Variants in WWOX observed in about 807,000 individuals in gnomAD.
WWOX encodes the protein WW domain containing oxidoreductase.
WWOX carries 69 observed loss-of-function variants against 46.2 expected under a neutral mutation model. That is an observed-to-expected ratio of 1.49 (90% CI 1.23 to 1.82). The LOEUF (loss-of-function observed/expected upper bound fraction) is 1.82, where lower values mean the gene tolerates loss of function less well. Among genes scored for constraint, WWOX ranks in the 40% most tolerant of loss-of-function variants. The probability of loss-of-function intolerance (pLI) is 0.00; values close to 1 mark genes in which losing one functional copy is unlikely to be tolerated. For missense variants in WWOX, 919 were observed against 542.6 expected (o/e 1.69, Z -6.89); for synonymous variants, 359 against 202.6 (o/e 1.77, Z -6.56).
At chr16:78,431,963 G>C (rs143828435) in intron 7 of WWOX, among the ~76,000 whole-genome samples, 2 of 152,024 alleles carry the variant, frequency 1.3e-5, no homozygotes, top group African/African-American at 4.8e-5. Flanking sequence ...CAATCCTCCC[G>C]CCTCAGCTTC....
At chr16:78,412,410 A>G (rs2082702651) in intron 6 of WWOX, among the ~76,000 whole-genome samples, 1 of 152,204 alleles carries the variant, frequency 6.6e-6, no homozygotes, top group Admixed American at 6.5e-5. Context: ...TGGAAAGAAT[A>G]TAGTGGCTAG....
At chr16:78,359,077 AATAG>A (rs2081356649) in intron 5 of WWOX, among the ~76,000 whole-genome samples, 2 of 152,208 alleles carry the variant, frequency 1.3e-5, no homozygotes, top group African/African-American at 4.8e-5. Context: ...TTTAAATGCA[AATAG>A]ATAATGCTTG....
chr16:78,941,418 G>T (rs1053692249), intron 8 of WWOX, among the ~76,000 whole-genome samples: 1 of 151,322 alleles, frequency 6.6e-6, no homozygotes, highest in African/African-American at 2.4e-5. Context: ...AGCGTTAGCC[G>T]TTGCTCCTCG....
intron 8 of WWOX, among the ~76,000 whole-genome samples, chr16:78,512,455 G>A (rs142908128): frequency 0.012 from 1,770 of 152,246 alleles, 33 homozygotes; most frequent in Middle Eastern, 0.041. Flanking sequence ...AGAATTAAAC[G>A]TGTTCACCAA....
chr16:78,721,046 A>G (rs9931424), intron 8 of WWOX, among the ~76,000 whole-genome samples: 316 of 152,186 alleles, frequency 2.1e-3, no homozygotes, highest in African/African-American at 7.1e-3. Context: ...TTATTAGTCT[A>G]TAAGATTGAG....
At position 78,261,788 on chromosome 16, in the gene WWOX, C is replaced by CTATCTAGATATAGATATATATATATA. The variant is rs1555510660; in HGVS notation, c.516+97502_516+97503insCTAGATATAGATATATATATATATAT. Among the ~76,000 whole-genome samples the CTATCTAGATATAGATATATATATATA allele has an allele frequency of 5.4e-5, 4 of 73,752 alleles. 1 individual carries two copies. The highest frequency in any genetic ancestry group is 2.3e-4 in the African/African-American group (4 of 17,456). The allele number at this position is 73,752 out of a possible 152,430, so 48.4% of individuals were successfully genotyped here. A position where few individuals can be genotyped will look rare whatever the true frequency, so the allele number is the denominator to read the frequency against. On this transcript the variant is annotated intron_variant, in intron 5 of 8. Coordinates refer to ENST00000566780, the MANE Select transcript of WWOX (RefSeq NM_016373.4). ...TCTATCTATGTATCTATCTATCTAT[C>CTATCTAGATATAGATATATATATATA]TATATATATATATATATATATATAT...
intron 5 of WWOX, among the ~76,000 whole-genome samples, chr16:78,262,920 T>G (rs1055772472): frequency 2.0e-5 from 3 of 152,204 alleles, no homozygotes; most frequent in African/African-American, 7.2e-5. Flanking sequence ...CTGAGGGCTT[T>G]GAAACACTAT....
chr16:78,659,251 G>A (rs572703645), intron 8 of WWOX, among the ~76,000 whole-genome samples: 2 of 152,200 alleles, frequency 1.3e-5, no homozygotes, highest in South Asian at 2.1e-4. Context: ...ATAACTACGT[G>A]ACTCACAGAG....
intron 8 of WWOX, among the ~76,000 whole-genome samples, chr16:78,516,523 C>G (rs1259229784): frequency 6.6e-6 from 1 of 152,174 alleles, no homozygotes; most frequent in East Asian, 1.9e-4. Context: ...CTTCAAATAT[C>G]TGAACTCAGA....
At position 78,348,730 on chromosome 16, in the gene WWOX, T is replaced by C. The variant is rs2081136006; in HGVS notation, c.517-38130T>C. Among the ~76,000 whole-genome samples the C allele has an allele frequency of 2.5e-5, 3 of 121,154 alleles. 1 individual carries two copies. In the South Asian group the frequency reaches 7.4e-4, roughly 30 times the overall value. The allele number at this position is 121,154 out of a possible 152,430, so 79.5% of individuals were successfully genotyped here. A position where few individuals can be genotyped will look rare whatever the true frequency, so the allele number is the denominator to read the frequency against. Reference sequence around the variant, plus strand: ...GCCTCTGCCTCCCAAAGTGCTAGGATTACAGGTGTCAGCCACAGTGCCATG... The same window carrying C: ...GCCTCTGCCTCCCAAAGTGCTAGGACTACAGGTGTCAGCCACAGTGCCATG... On this transcript the variant is annotated intron_variant, in intron 5 of 8. Transcript: ENST00000566780.
At chr16:78,805,502 C>G (rs946726973) in intron 8 of WWOX, among the ~76,000 whole-genome samples, 2 of 151,758 alleles carry the variant, frequency 1.3e-5, no homozygotes, top group Non-Finnish European at 2.9e-5. Context: ...GCAGGATGGT[C>G]TCGATTTCCT....
In WWOX at chr16:78,406,313, T is replaced by C. The variant is rs565956858; in HGVS notation, c.606-18557T>C. On this transcript the variant is annotated intron_variant, in intron 6 of 8. Transcript: ENST00000566780. ...CAGCATATAAATATAAATATATATA[T>C]ATATATATATATATATATATATATA... Among the ~76,000 whole-genome samples, 240 of 48,074 alleles carry C rather than the reference T, an allele frequency of 5.0e-3. 3 individuals are homozygous for C. The East Asian group carries it at 0.082, about 16-fold the overall frequency. The allele number at this position is 48,074 out of a possible 152,430, so 31.5% of individuals were successfully genotyped here.
At chr16:78,472,267 A>T (rs2084241027) in intron 8 of WWOX, among the ~76,000 whole-genome samples, 1 of 152,190 alleles carries the variant, frequency 6.6e-6, no homozygotes, top group Admixed American at 6.5e-5. Flanking sequence ...ATGACTAACG[A>T]GGATCAGAGG....
chr16:78,950,053 C>T (rs1185129052), intron 8 of WWOX, among the ~76,000 whole-genome samples: 1 of 152,198 alleles, frequency 6.6e-6, no homozygotes, highest in Admixed American at 6.5e-5. Context: ...GTCTAGTCTG[C>T]CATTTGAATT....
chr16:78,732,750 G>A (rs1275887833), intron 8 of WWOX, among the ~76,000 whole-genome samples: 1 of 152,066 alleles, frequency 6.6e-6, no homozygotes, highest in Non-Finnish European at 1.5e-5. Context: ...AAGTAAATAA[G>A]GGGAAATTGC....
chr16:78,376,946 G>T (rs997034508), intron 5 of WWOX, among the ~76,000 whole-genome samples: 9 of 152,258 alleles, frequency 5.9e-5, no homozygotes, highest in African/African-American at 1.7e-4. Context: ...TCTTGTTTTT[G>T]TCTTTTTATT....
intron 8 of WWOX, among the ~76,000 whole-genome samples, chr16:78,921,836 A>G (rs557253560): frequency 3.9e-5 from 6 of 152,332 alleles, no homozygotes; most frequent in Admixed American, 2.6e-4. Context: ...CCTCAAACCC[A>G]TCCTCATGGC....
chr16:78,210,912 T>G (rs993690031), intron 5 of WWOX, among the ~76,000 whole-genome samples: 2 of 152,218 alleles, frequency 1.3e-5, no homozygotes, highest in Non-Finnish European at 2.9e-5. Context: ...ATATTTATAG[T>G]TAAAGATTCT....
chr16:78,253,299 GATA>G (rs2038034751), intron 5 of WWOX, among the ~76,000 whole-genome samples: 1 of 152,134 alleles, frequency 6.6e-6, no homozygotes, highest in African/African-American at 2.4e-5. Flanking sequence ...TAATAGTAAT[GATA>G]ATAATTATAA....
Sources: allele counts gnomAD v4.1 joint callset (sites outside exome capture counted in the v4.1 genomes callset), GRCh38; gene constraint gnomAD v4.1.1; transcripts MANE v1.5; gene names NCBI Gene and HGNC (gene_info 2026-07-23, HGNC 2026-07-21).